FOCAD: variants seen among roughly 807,000 people sequenced by gnomAD.
FOCAD encodes KIAA1797.
FOCAD carries 198 observed loss-of-function variants against 225.6 expected under a neutral mutation model. The observed-to-expected ratio is 0.88, with a 90% CI of 0.78 to 0.99. The LOEUF (loss-of-function observed/expected upper bound fraction) is 0.99, where lower values mean the gene tolerates loss of function less well. Ranked by LOEUF, FOCAD falls within the 50% of genes least tolerant of loss-of-function variation. FOCAD has a pLI of 0.00. For synonymous variants in FOCAD, 897 were observed against 755.0 expected, an observed-to-expected ratio of 1.19 and a Z score of -3.08; for missense variants, 2,713 against 2,123.6, an observed-to-expected ratio of 1.28 and a Z score of -5.46.
intron 10 of FOCAD, among the ~76,000 whole-genome samples, chr9:20,787,277 G>T (rs1820018769): frequency 6.6e-6 from 1 of 152,074 alleles, no homozygotes; most frequent in Admixed American, 6.6e-5. Context: ...TTTCTCTCCG[G>T]AAGATGACAG....
chr9:20,796,853 C>A (rs1005887697), intron 11 of FOCAD, among the ~76,000 whole-genome samples: 2 of 151,636 alleles, frequency 1.3e-5, no homozygotes, highest in South Asian at 2.1e-4. Context: ...GCTTTTGTTG[C>A]CATTGCTTTT....
chr9:20,969,231 T>C (rs185880505), intron 35 of FOCAD, among the ~76,000 whole-genome samples: 1 of 152,172 alleles, frequency 6.6e-6, no homozygotes, highest in Admixed American at 6.5e-5. Flanking sequence ...TTGAAATGAA[T>C]GTGTATTCTG....
At chr9:20,699,784 A>G (rs1259228211) in intron 1 of FOCAD, among the ~76,000 whole-genome samples, 1 of 84,012 alleles carries the variant, frequency 1.2e-5, no homozygotes, top group Non-Finnish European at 2.3e-5. Flanking sequence ...ATATATATAT[A>G]TATATATATA....
chr9:20,781,649 T>A (rs1819378075), intron 9 of FOCAD, 78 bp from the exon 10 acceptor site: 2 of 1,308,566 alleles, frequency 1.5e-6, no homozygotes, highest in Non-Finnish European at 2.2e-6. Context: ...TTCTTGCATA[T>A]CATTCTTAAG....
At chr9:20,847,144 A>G (rs1477153254) in intron 15 of FOCAD, among the ~76,000 whole-genome samples, 6 of 152,098 alleles carry the variant, frequency 3.9e-5, no homozygotes, top group Admixed American at 3.3e-4. Flanking sequence ...GAGTTGTACA[A>G]TCATCACCAC....
At chr9:20,722,370 C>T (rs1216043137) in intron 4 of FOCAD, among the ~76,000 whole-genome samples, 1 of 152,214 alleles carries the variant, frequency 6.6e-6, no homozygotes, top group Non-Finnish European at 1.5e-5. Context: ...TCCACACCAG[C>T]ATGGCATGCT....
chr9:20,753,209 G>A (rs1162231863), intron 5 of FOCAD, among the ~76,000 whole-genome samples: 1 of 151,478 alleles, frequency 6.6e-6, no homozygotes, highest in Admixed American at 6.6e-5. Flanking sequence ...GAATAGGAGT[G>A]GTGAGAGAGG....
intron 15 of FOCAD, among the ~76,000 whole-genome samples, chr9:20,857,369 A>C (rs1828291184): frequency 6.6e-6 from 1 of 151,228 alleles, no homozygotes; most frequent in African/African-American, 2.4e-5. Flanking sequence ...TGTAAATGGA[A>C]TTCCTTTCTT....
At chr9:20,806,471 A>C (rs1822468192) in intron 11 of FOCAD, among the ~76,000 whole-genome samples, 1 of 152,102 alleles carries the variant, frequency 6.6e-6, no homozygotes, top group African/African-American at 2.4e-5. Context: ...CCCCCTCAAA[A>C]ATTCTAGGCA....
upstream of FOCAD, among the ~76,000 whole-genome samples, chr9:20,656,274 C>T (rs1391915106): frequency 1.3e-5 from 2 of 151,640 alleles, no homozygotes; most frequent in Non-Finnish European, 2.9e-5. Context: ...GTGGAGAGTT[C>T]TGTAGATGTC....
intron 15 of FOCAD, among the ~76,000 whole-genome samples, chr9:20,839,379 C>A (rs1826292475): frequency 6.6e-6 from 1 of 151,834 alleles, no homozygotes; most frequent in Middle Eastern, 3.2e-3. Context: ...CTGCTTCACC[C>A]TTCCAAGTAG....
At chr9:20,715,458 C>G (rs1211391738) in intron 2 of FOCAD, 48 bp downstream of exon 2, 4 of 1,146,228 alleles carry the variant, frequency 3.5e-6, no homozygotes, top group Non-Finnish European at 4.8e-6. Flanking sequence ...TAAACCTGTT[C>G]TGTGGATTTT....
intron 4 of FOCAD, 71 bp from the exon 5 acceptor site, chr9:20,740,165 A>T: frequency 3.1e-6 from 3 of 978,890 alleles, no homozygotes; most frequent in Non-Finnish European, 4.7e-6. Flanking sequence ...TTTTAAAATG[A>T]TAGGATTAAG....
chr9:20,922,782 G>C (rs1422810394), intron 24 of FOCAD, among the ~76,000 whole-genome samples: 2 of 152,184 alleles, frequency 1.3e-5, no homozygotes, highest in African/African-American at 4.8e-5. Context: ...TGATGGTATG[G>C]GTGCTCTTGT....
intron 5 of FOCAD, 91 bp downstream of exon 5, chr9:20,740,431 T>A: frequency 2.6e-6 from 2 of 764,374 alleles, no homozygotes; most frequent in South Asian, 1.9e-5. Flanking sequence ...GAATTAGTTA[T>A]TTAATTCAGC....
intron 5 of FOCAD, among the ~76,000 whole-genome samples, chr9:20,747,141 A>G (rs775116776): frequency 1.3e-5 from 2 of 151,952 alleles, no homozygotes; most frequent in Admixed American, 6.6e-5. Context: ...CTCCCAACCA[A>G]TTTTCACTGT....
upstream of FOCAD, among the ~76,000 whole-genome samples, chr9:20,656,247 T>G (rs1472920307): frequency 6.6e-6 from 1 of 151,420 alleles, no homozygotes; most frequent in African/African-American, 2.4e-5. Flanking sequence ...AAAAAATGTA[T>G]ATTCTGTTGA....
At chr9:20,818,993 C>G (rs978551485) in intron 11 of FOCAD, among the ~76,000 whole-genome samples, 8 of 152,048 alleles carry the variant, frequency 5.3e-5, no homozygotes, top group Non-Finnish European at 1.2e-4. Flanking sequence ...GTCTTCTAAT[C>G]CATGAATGTA....
At chr9:20,904,196 T>G (rs1005373719) in intron 21 of FOCAD, among the ~76,000 whole-genome samples, 5 of 152,040 alleles carry the variant, frequency 3.3e-5, no homozygotes, top group African/African-American at 1.2e-4. Context: ...TTTTGGCTAT[T>G]GTGAAAGTGC....
Sources: gnomAD v4.1 joint callset for allele counts (sites outside exome capture counted in the v4.1 genomes callset) on GRCh38, gnomAD v4.1.1 for gene constraint, MANE v1.5 for transcripts, NCBI Gene and HGNC (gene_info 2026-07-23, HGNC 2026-07-21) for gene names.